The following UHMK1 variants were observed in gnomAD, a reference collection of about 807,000 sequenced individuals.
UHMK1 encodes serine/threonine-protein kinase Kist.
Under a neutral mutation model 44.0 loss-of-function variants are expected in UHMK1, and 18 were observed. The observed-to-expected ratio is 0.41, with a 90% CI of 0.28 to 0.61. UHMK1 has a LOEUF of 0.61. UHMK1 is among the 20% of genes least tolerant of loss of function. The probability of loss-of-function intolerance (pLI) is 0.31; values close to 1 mark genes in which losing one functional copy is unlikely to be tolerated. For missense variants in UHMK1, 463 were observed against 522.5 expected, an observed-to-expected ratio of 0.89 and a Z score of 1.11; for synonymous variants, 231 against 198.5, an observed-to-expected ratio of 1.16 and a Z score of -1.38.
chr1:162,498,006 G>C lies in UHMK1; in HGVS notation c.6G>C (p.Ala2=). The change falls in exon 1 of 8, where the codon GCG becomes GCC. Residue 2 remains alanine (A), a synonymous_variant. Coordinates refer to ENST00000489294, the MANE Select transcript of UHMK1 (RefSeq NM_175866.5). M[A]GSGCAWGAEP... is the part of the protein sequence containing the mutation. ...CGTGCCCTTAACCCACACCGATGGC[G>C]GGATCCGGCTGCGCCTGGGGCGCGG... 2 of 1,581,712 alleles carry C rather than the reference G, an allele frequency of 1.3e-6. No individual in the cohort carries two copies. The highest frequency in any genetic ancestry group is 1.7e-6 in the Non-Finnish European group (2 of 1,162,092).
chr1:162,514,225 G>A (rs900582570), intron 6 of UHMK1, among the ~76,000 whole-genome samples: 2 of 151,704 alleles, frequency 1.3e-5, no homozygotes, highest in Admixed American at 6.6e-5. Context: ...GGAGGCAGAG[G>A]TTGCAGTGAC....
At chr1:162,507,581 C>CTTTCT (rs1651516872) in intron 4 of UHMK1, among the ~76,000 whole-genome samples, 1 of 133,220 alleles carries the variant, frequency 7.5e-6, no homozygotes, top group Non-Finnish European at 1.6e-5. Flanking sequence ...CCCATTCTTT[C>CTTTCT]TTTTTTTTTT....
intron 7 of UHMK1, among the ~76,000 whole-genome samples, chr1:162,519,785 A>G (rs1651988034): frequency 6.6e-6 from 1 of 152,206 alleles, no homozygotes; most frequent in African/African-American, 2.4e-5. Context: ...TCTACACTAT[A>G]GAACGTTTAA....
intron 6 of UHMK1, 105 bp downstream of exon 6, chr1:162,512,928 T>G: frequency 1.8e-6 from 2 of 1,099,380 alleles, no homozygotes; most frequent in Admixed American, 4.1e-5. Flanking sequence ...ATGAGAATAT[T>G]GAACAATATG....
rs193082729 is a variant in UHMK1 at position 162,509,555 on chromosome 1, A to G, written c.849-2945A>G. ...ATTTTTTTTCTGGTTCATCAGATCA[A>G]TTGTAGCTTTCCTCTGCCTTCTTAC... On this transcript the variant is annotated intron_variant, in intron 4 of 7. Transcript: ENST00000489294. Among the ~76,000 whole-genome samples, 4 of 152,156 alleles carry G rather than the reference A, an allele frequency of 2.6e-5. No homozygotes were observed. In the East Asian group the frequency reaches 5.8e-4, roughly 22 times the overall value.
rs764454546 is a variant in UHMK1 at position 162,512,746 on chromosome 1, T to G, written c.947T>G (p.Val316Gly). ...ACAGCCCCTCATATTGAAGATCTGG[T>G]CATGCTTCCCACTCCAGTGCTAAGA... Reference protein sequence around the residue: ...IPFAPHIEDLVMLPTPVLRLL... With the variant: ...IPFAPHIEDLGMLPTPVLRLL... The change falls in exon 6 of 8, where the codon GTC becomes GGC. Residue 316 changes from valine to glycine, a missense_variant. Around this residue, in one of 3 missense-constraint regions of UHMK1, gnomAD observed 264 missense variants for 326.3 expected, o/e 0.81. Transcript: ENST00000489294. 6.2e-6 allele frequency: 10 copies of G among 1,614,032 alleles called. No individual in the cohort carries two copies. Among genetic ancestry groups the G allele is most frequent in the Non-Finnish European group, 8.5e-6 (10 of 1,180,018 alleles).
chr1:162,504,491 A>G (rs1384037137), intron 4 of UHMK1, among the ~76,000 whole-genome samples: 5 of 152,220 alleles, frequency 3.3e-5, no homozygotes, highest in Non-Finnish European at 7.3e-5. Context: ...CTTAGGCTAC[A>G]ACCTATATAG....
Position 162,523,676 on chromosome 1 carries a change from T to C in UHMK1, c.*1126T>C, listed in dbSNP as rs1355594083. The C allele has an allele frequency of 6.6e-6, 1 of 152,208 alleles. No homozygotes were observed. Among genetic ancestry groups the C allele is most frequent in the Non-Finnish European group, 1.5e-5 (1 of 68,028 alleles). 9.4% of individuals were successfully genotyped at this position (152,208 alleles called of 1,614,324 possible). On this transcript the variant is annotated 3_prime_UTR_variant, in exon 8 of 8. Transcript: ENST00000489294. Reference sequence around the variant, plus strand: ...GAAGAGAGGGTGGAAAATAAAAGGATTCTTTTTTCTTCCTTTCTGTTTCTC... The same window carrying C: ...GAAGAGAGGGTGGAAAATAAAAGGACTCTTTTTTCTTCCTTTCTGTTTCTC...
Position 162,512,522 on chromosome 1 carries a change from A to G in UHMK1, c.871A>G (p.Arg291Gly), listed in dbSNP as rs1436350764. ...IKSMLHDDPS[R>G]RIPAEMALCS... ...TAGCATGCTTCATGATGATCCAAGCAGAAGAATTCCTGCTGAAATGGCATT... is the reference window on the plus strand; with the variant it reads ...TAGCATGCTTCATGATGATCCAAGCGGAAGAATTCCTGCTGAAATGGCATT... The change falls in exon 5 of 8, where the codon AGA (arginine) becomes GGA (glycine). Residue 291 changes from arginine to glycine, a missense_variant. By Grantham distance (125) the Arg-to-Gly change is moderately radical. Transcript: ENST00000489294. The G allele has an allele frequency of 6.2e-6, 10 of 1,612,686 alleles. No individual in the cohort carries two copies. Among genetic ancestry groups the G allele is most frequent in the Non-Finnish European group, 8.5e-6 (10 of 1,179,756 alleles).
chr1:162,517,993 C>T (rs1472847230), intron 6 of UHMK1, 109 bp from the exon 7 acceptor site: 2 of 667,672 alleles, frequency 3.0e-6, no homozygotes, highest in Non-Finnish European at 5.2e-6. Flanking sequence ...ATAAAATGAC[C>T]TCATTACTAG....
At chr1:162,508,475 G>C (rs1407668947) in intron 4 of UHMK1, among the ~76,000 whole-genome samples, 1 of 151,444 alleles carries the variant, frequency 6.6e-6, no homozygotes, top group African/African-American at 2.4e-5. Flanking sequence ...AGGTTGAGGT[G>C]AGCAGACCAC....
At chr1:162,502,048 C>T (rs536285500) in intron 3 of UHMK1, among the ~76,000 whole-genome samples, 1 of 152,124 alleles carries the variant, frequency 6.6e-6, no homozygotes, top group Admixed American at 6.5e-5. Context: ...TGATGGCACA[C>T]ACCTGTAGTC....
Position 162,498,021 on chromosome 1 carries a change from C to G in UHMK1, c.21C>G (p.Ala7=), listed in dbSNP as rs749245412. The G allele has an allele frequency of 6.3e-7, 1 of 1,594,786 alleles. No individual in the cohort carries two copies. Among genetic ancestry groups the G allele is most frequent in the East Asian group, 2.3e-5 (1 of 44,110 alleles). MAGSGC[A]WGAEPPRFLE... ...CACCGATGGCGGGATCCGGCTGCGC[C>G]TGGGGCGCGGAGCCGCCGCGTTTTC... is the stretch of plus-strand genomic sequence containing the variant. Residue 7 remains alanine, a synonymous_variant, in exon 1 of 8, where the codon GCC becomes GCG. Coordinates refer to ENST00000489294, the MANE Select transcript of UHMK1 (RefSeq NM_175866.5).
At chr1:162,515,086 A>G (rs1173438777) in intron 6 of UHMK1, among the ~76,000 whole-genome samples, 1 of 152,166 alleles carries the variant, frequency 6.6e-6, no homozygotes, top group Non-Finnish European at 1.5e-5. Flanking sequence ...TAATTTCTCT[A>G]TCTTCTGCCC....
chr1:162,506,258 A>C (rs1441827413), intron 4 of UHMK1, among the ~76,000 whole-genome samples: 1 of 136,510 alleles, frequency 7.3e-6, no homozygotes, highest in Non-Finnish European at 1.6e-5. Context: ...TAGAATACTA[A>C]ATTTGGAAAC....
rs1228536899 is a variant in UHMK1, at chr1:162,527,928, T to A, written c.*5378T>A. Reference sequence around the variant, plus strand: ...GGGGGAAAAAAACTGGAATTGTTTGTATTTTGTTTTTTTGGGGGGGGATCT... The same window carrying A: ...GGGGGAAAAAAACTGGAATTGTTTGAATTTTGTTTTTTTGGGGGGGGATCT... On this transcript the variant is annotated 3_prime_UTR_variant, in exon 8 of 8. Transcript: ENST00000489294. The A allele has an allele frequency of 1.3e-5, 2 of 151,866 alleles. No homozygotes were observed. Among genetic ancestry groups the A allele is most frequent in the East Asian group, 3.9e-4 (2 of 5,182 alleles). The allele number at this position is 151,866 out of a possible 1,614,324, so 9.4% of individuals were successfully genotyped here. A position where few individuals can be genotyped will look rare whatever the true frequency, so the allele number is the denominator to read the frequency against.
Position 162,525,246 on chromosome 1 carries a change from T to C in UHMK1, c.*2696T>C, listed in dbSNP as rs1294461475. ...CAAGTTTCATGATTAGGATGAAATA[T>C]ATACATAGGGATTTTGGTTTATTGA... On this transcript the variant is annotated 3_prime_UTR_variant, in exon 8 of 8. Coordinates refer to ENST00000489294, the MANE Select transcript of UHMK1 (RefSeq NM_175866.5). 6.6e-6 allele frequency: 1 copy of C among 152,194 alleles called. No individual in the cohort carries two copies. Among genetic ancestry groups the C allele is most frequent in the Non-Finnish European group, 1.5e-5 (1 of 68,036 alleles). 9.4% of individuals were successfully genotyped at this position (152,194 alleles called of 1,614,324 possible).
chr1:162,512,708 A>G lies in UHMK1; in HGVS notation c.926-17A>G. 1 of 1,613,358 alleles carries G rather than the reference A, an allele frequency of 6.2e-7. No individual in the cohort carries two copies. Among genetic ancestry groups the G allele is most frequent in the Non-Finnish European group, 8.5e-7 (1 of 1,179,522 alleles). ...GGGGGGATTTACATTTAACCATATT[A>G]TGATGAATTTTAACAGCCCCTCATA... is the stretch of plus-strand genomic sequence containing the variant. On this transcript the variant is annotated splice_polypyrimidine_tract_variant and intron_variant, in intron 5 of 7. Transcript: ENST00000489294.
chr1:162,529,631 A>C lies in UHMK1; in HGVS notation c.*7081A>C, dbSNP rs192871374. On this transcript the variant is annotated 3_prime_UTR_variant, in exon 8 of 8. Coordinates refer to ENST00000489294, the MANE Select transcript of UHMK1 (RefSeq NM_175866.5). Reference sequence around the variant, plus strand: ...ATAAAGGAGTTGCTTTTTAATTTCAACTTTTTCTATACTTAGTATAAATAT... The same window carrying C: ...ATAAAGGAGTTGCTTTTTAATTTCACCTTTTTCTATACTTAGTATAAATAT... 1 of 152,262 alleles carries C rather than the reference A, an allele frequency of 6.6e-6. No individual in the cohort carries two copies. Among genetic ancestry groups the C allele is most frequent in the Admixed American group, 6.5e-5 (1 of 15,292 alleles). The allele number at this position is 152,262 out of a possible 1,614,324, so 9.4% of individuals were successfully genotyped here. A position where few individuals can be genotyped will look rare whatever the true frequency, so the allele number is the denominator to read the frequency against.
Sources: allele counts gnomAD v4.1 joint callset (sites outside exome capture counted in the v4.1 genomes callset), GRCh38; gene constraint gnomAD v4.1.1; regional missense constraint gnomAD v4.1.1; transcripts MANE v1.5; gene names NCBI Gene and HGNC (gene_info 2026-07-23, HGNC 2026-07-21).